IL1RAPL1: variants seen among roughly 807,000 people sequenced by gnomAD.
The protein encoded by IL1RAPL1 is interleukin-1 receptor accessory protein-like 1.
A neutral mutation model predicts 48.4 loss-of-function variants in IL1RAPL1; 3 were observed. That is an observed-to-expected ratio of 0.06 (90% CI 0.03 to 0.16). The LOEUF is 0.16. Among genes scored for constraint, IL1RAPL1 ranks in the 10% least tolerant of loss-of-function variants. The pLI is 1.00. For missense variants in IL1RAPL1, 349 were observed against 530.6 expected, an observed-to-expected ratio of 0.66 and a Z score of 3.36; for synonymous variants, 185 against 187.7, an observed-to-expected ratio of 0.99 and a Z score of 0.12.
intron 3 of IL1RAPL1, among the ~76,000 whole-genome samples, chrX:29,298,208 G>C (rs959954685): frequency 8.9e-6 from 1 of 112,036 alleles, no homozygotes; most frequent in Non-Finnish European, 1.9e-5. Context: ...TTAAACCACA[G>C]TAGAATTAAG....
chrX:28,955,688 C>T (rs374771747), intron 2 of IL1RAPL1, among the ~76,000 whole-genome samples: 42 of 107,598 alleles, frequency 3.9e-4, no homozygotes, highest in African/African-American at 1.4e-3. Context: ...TGTAGCCTTG[C>T]AGTATAGTTT....
At chrX:29,605,622 TA>T (rs1163734839) in intron 5 of IL1RAPL1, among the ~76,000 whole-genome samples, 4 of 111,255 alleles carry the variant, frequency 3.6e-5, no homozygotes, top group Admixed American at 9.6e-5. Flanking sequence ...AAGAAGATGC[TA>T]AAAAGAAAAA....
intron 2 of IL1RAPL1, among the ~76,000 whole-genome samples, chrX:28,859,228 A>G (rs17333783): frequency 0.053 from 5,917 of 111,838 alleles, 300 homozygotes; most frequent in East Asian, 0.25. Context: ...ATAATATGCA[A>G]TGATGGTCTC....
rs189351748 is a variant in IL1RAPL1 at position 28,608,965 on chromosome X, A to C, written c.-25+20918A>C. On this transcript the variant is annotated intron_variant, in intron 1 of 10. Coordinates refer to ENST00000378993, the MANE Select transcript of IL1RAPL1 (RefSeq NM_014271.4). ...CTCCTGTTCTTTAAAGAATGAAATA[A>C]AGTTACATGTAATGGACGGTATTAA... 2.7e-5 allele frequency among the ~76,000 whole-genome samples: 3 copies of C among 112,507 alleles called. No individual in the cohort carries two copies. In the Admixed American group the frequency reaches 2.8e-4, roughly 11 times the overall value.
chrX:29,171,066 G>A (rs1325161692), intron 2 of IL1RAPL1, among the ~76,000 whole-genome samples: 2 of 110,625 alleles, frequency 1.8e-5, no homozygotes, highest in Non-Finnish European at 3.8e-5. Flanking sequence ...GCACGATCTC[G>A]GCTCACTGCA....
chrX:28,975,308 A>G (rs148303422), intron 2 of IL1RAPL1, among the ~76,000 whole-genome samples: 2 of 111,816 alleles, frequency 1.8e-5, no homozygotes, highest in African/African-American at 3.2e-5. Context: ...GAAGATAGCA[A>G]ATGCTTGCCC....
intron 2 of IL1RAPL1, among the ~76,000 whole-genome samples, chrX:29,001,182 C>T (rs1383128155): frequency 2.7e-5 from 3 of 111,725 alleles, no homozygotes; most frequent in Non-Finnish European, 5.6e-5. Flanking sequence ...TATGAGAGAA[C>T]AAATTCATAA....
chrX:29,006,804 C>G lies in IL1RAPL1; in HGVS notation c.82+217379C>G, dbSNP rs1925995940. On this transcript the variant is annotated intron_variant, in intron 2 of 10. Transcript: ENST00000378993. ...GGCTTTGAAAATCTGGCAGTGACAG[C>G]TGGGGGCTCAATTTTGTATACTTTA... Among the ~76,000 whole-genome samples, 3 of 109,420 alleles carry G rather than the reference C, an allele frequency of 2.7e-5. No individual in the cohort carries two copies. The Admixed American group carries it at 3.0e-4, about 11-fold the overall frequency.
At chrX:29,269,622 C>CTTT (rs769725561) in intron 2 of IL1RAPL1, among the ~76,000 whole-genome samples, 1 of 97,028 alleles carries the variant, frequency 1.0e-5, no homozygotes. Flanking sequence ...AGGCAACCTT[C>CTTT]TTTTTTTTTT....
At chrX:29,816,113 C>A (rs771120955) in intron 6 of IL1RAPL1, among the ~76,000 whole-genome samples, 25 of 110,651 alleles carry the variant, frequency 2.3e-4, no homozygotes, top group Non-Finnish European at 3.6e-4. Context: ...AAAATTCATA[C>A]AAAAGATCAA....
intron 5 of IL1RAPL1, among the ~76,000 whole-genome samples, chrX:29,417,927 C>T (rs996877705): frequency 1.4e-4 from 15 of 106,756 alleles, no homozygotes; most frequent in Admixed American, 4.1e-4. Context: ...TATTACCCAC[C>T]CTCAGAGTCT....
intron 2 of IL1RAPL1, among the ~76,000 whole-genome samples, chrX:29,214,467 G>A (rs932347670): frequency 2.3e-4 from 26 of 111,153 alleles, no homozygotes; most frequent in African/African-American, 8.5e-4. Context: ...GTTGATGAGG[G>A]GTGATAGGTG....
intron 6 of IL1RAPL1, among the ~76,000 whole-genome samples, chrX:29,895,600 C>T (rs1932368399): frequency 8.9e-6 from 1 of 112,861 alleles, no homozygotes; most frequent in African/African-American, 3.2e-5. Context: ...TATTTATTCT[C>T]AGTATTTAAT....
rs753439640 is a variant in IL1RAPL1 at position 28,878,787 on chromosome X, A to AG, written c.82+89365dup. On this transcript the variant is annotated intron_variant, in intron 2 of 10. Coordinates refer to ENST00000378993, the MANE Select transcript of IL1RAPL1 (RefSeq NM_014271.4). ...AAGTTCATGGTTCATATAAAGCAAT[A>AG]GGGTCTAGCTAAGTCTCATCCAATA... is the stretch of plus-strand genomic sequence containing the variant. Among the ~76,000 whole-genome samples the AG allele has an allele frequency of 8.1e-4, 90 of 111,665 alleles. 1 individual carries two copies. The highest frequency in any genetic ancestry group is 4.6e-3 in the Middle Eastern group (1 of 216).
At chrX:29,297,113 G>A (rs1304054096) in intron 3 of IL1RAPL1, among the ~76,000 whole-genome samples, 1 of 111,931 alleles carries the variant, frequency 8.9e-6, no homozygotes, top group Non-Finnish European at 1.9e-5. Flanking sequence ...ATTATGGAGT[G>A]AATGAGTCAA....
intron 5 of IL1RAPL1, among the ~76,000 whole-genome samples, chrX:29,618,472 G>T (rs955872923): frequency 2.7e-5 from 3 of 111,691 alleles, no homozygotes; most frequent in Non-Finnish European, 1.9e-5. Flanking sequence ...CACTTTTACT[G>T]GTCTAAAATC....
intron 6 of IL1RAPL1, among the ~76,000 whole-genome samples, chrX:29,895,887 T>A (rs1932374091): frequency 9.0e-6 from 1 of 111,561 alleles, no homozygotes; most frequent in Non-Finnish European, 1.9e-5. Context: ...ATTAAAGTGT[T>A]TGATGTAGGT....
intron 2 of IL1RAPL1, among the ~76,000 whole-genome samples, chrX:29,260,564 C>T (rs929608449): frequency 1.3e-4 from 15 of 111,636 alleles, no homozygotes; most frequent in Non-Finnish European, 2.6e-4. Context: ...CACCTGGCCC[C>T]GCCCTTGACA....
chrX:29,698,644 G>T (rs1926976503), intron 6 of IL1RAPL1, among the ~76,000 whole-genome samples: 1 of 111,250 alleles, frequency 9.0e-6, no homozygotes, highest in African/African-American at 3.3e-5. Context: ...GAAGGAAGTT[G>T]CCAGTTCTTC....
Sources: gnomAD v4.1 joint callset for allele counts (sites outside exome capture counted in the v4.1 genomes callset) on GRCh38, gnomAD v4.1.1 for gene constraint, MANE v1.5 for transcripts, NCBI Gene and HGNC (gene_info 2026-07-23, HGNC 2026-07-21) for gene names.